The following GLIS3 variants were observed in gnomAD, a reference collection of about 807,000 sequenced individuals.
The protein encoded by GLIS3 is zinc finger protein GLIS3.
Under a neutral mutation model 78.6 loss-of-function variants are expected in GLIS3, and 53 were observed. That is an observed-to-expected ratio of 0.67 (90% CI 0.54 to 0.85). The LOEUF is 0.85. Ranked by LOEUF, GLIS3 falls within the 40% of genes least tolerant of loss-of-function variation. The pLI, the probability that GLIS3 is intolerant of heterozygous loss-of-function variation, is 0.00. For synonymous variants in GLIS3, 684 were observed against 509.9 expected (o/e 1.34, Z -4.60); for missense variants, 1,703 against 1,231.1 (o/e 1.38, Z -5.74).
At chr9:4,199,622 T>C (rs1035776105) in intron 2 of GLIS3, among the ~76,000 whole-genome samples, 1 of 151,526 alleles carries the variant, frequency 6.6e-6, no homozygotes, top group African/African-American at 2.4e-5. Flanking sequence ...CCTAAATACA[T>C]ATGCACCTAA....
At chr9:4,105,355 T>C (rs2130818024) in intron 4 of GLIS3, among the ~76,000 whole-genome samples, 1 of 152,314 alleles carries the variant, frequency 6.6e-6, no homozygotes, top group Middle Eastern at 3.4e-3. Context: ...CACAGCTGTT[T>C]GACAAGTGCA....
At chr9:4,370,423 G>A in the GLIS3 span, among the ~76,000 whole-genome samples, 2 of 151,856 alleles carry the variant, frequency 1.3e-5, no homozygotes, top group African/African-American at 2.4e-5. Context: ...TTGGGTTCTC[G>A]TTAGATTTTC....
In GLIS3 at chr9:4,118,739, C is replaced by G. The variant is rs1465525575; in HGVS notation, c.739G>C (p.Asp247His). ...LSNHGSQNGLDLGDLLSLPPG... is the reference protein window; with the variant it reads ...LSNHGSQNGLHLGDLLSLPPG... ...GGAAGGCTAAGGAGATCCCCTAGAT[C>G]AAGGCCATTCTGAGAGCCGTGGTTG... The change falls in exon 4 of 11, where the codon GAT becomes CAT. Residue 247 changes from aspartate to histidine, a missense_variant. Physicochemically the swap from Asp to His is moderately conservative, Grantham distance 81 (BLOSUM62 -1). Transcript: ENST00000381971. This position sits in a 1 kb window ranked among gnomAD's most constrained non-coding sequence, Gnocchi z 4.7. 1.9e-6 allele frequency: 3 copies of G among 1,614,002 alleles called. No individual in the cohort carries two copies. The highest frequency in any genetic ancestry group is 8.5e-7 in the Non-Finnish European group (1 of 1,180,022).
chr9:4,074,066 G>A (rs1827847295), intron 4 of GLIS3, among the ~76,000 whole-genome samples: 1 of 152,300 alleles, frequency 6.6e-6, no homozygotes, highest in African/African-American at 2.4e-5. Context: ...CCACTCTCTA[G>A]TATTTCTATT....
the GLIS3 span, among the ~76,000 whole-genome samples, chr9:4,376,365 G>C: frequency 3.7e-4 from 57 of 152,240 alleles, 1 homozygote; most frequent in East Asian, 7.3e-3. Flanking sequence ...TTCCTGGGGA[G>C]AGCCTTTGAA....
At chr9:4,442,601 T>A in the GLIS3 span, among the ~76,000 whole-genome samples, 1 of 152,066 alleles carries the variant, frequency 6.6e-6, no homozygotes, top group East Asian at 1.9e-4. Context: ...TAATTTCTTA[T>A]TTTTCATAAA....
intron 4 of GLIS3, among the ~76,000 whole-genome samples, chr9:3,989,478 C>T (rs1439873965): frequency 6.6e-6 from 1 of 152,170 alleles, no homozygotes; most frequent in East Asian, 1.9e-4. Flanking sequence ...GCTTAAACTA[C>T]AATCAGCCCA....
chr9:3,864,451 T>G (rs1820437354), intron 8 of GLIS3, among the ~76,000 whole-genome samples: 1 of 152,230 alleles, frequency 6.6e-6, no homozygotes, highest in South Asian at 2.1e-4. Flanking sequence ...ATCCTTCTCA[T>G]GGTTTCAAAA....
the GLIS3 span, among the ~76,000 whole-genome samples, chr9:4,437,885 G>C: frequency 6.6e-6 from 1 of 152,028 alleles, no homozygotes; most frequent in Non-Finnish European, 1.5e-5. Context: ...TTACTCTATT[G>C]AAGGATACAG....
In GLIS3 at chr9:4,245,220, T is replaced by C. The variant is rs137941367; in HGVS notation, c.388+40818A>G. ...GTTTAGAGGGATTCTATTGTTTTTGTAGGTATGTGGCCTCAAACCCACAAT... is the reference window on the plus strand; with the variant it reads ...GTTTAGAGGGATTCTATTGTTTTTGCAGGTATGTGGCCTCAAACCCACAAT... On this transcript the variant is annotated intron_variant, in intron 2 of 10. Coordinates refer to ENST00000381971, the MANE Select transcript of GLIS3 (RefSeq NM_001042413.2). Among the ~76,000 whole-genome samples the C allele has an allele frequency of 2.3e-3, 348 of 152,342 alleles. 2 individuals carry two copies. Among genetic ancestry groups the C allele is most frequent in the African/African-American group, 8.1e-3 (337 of 41,580 alleles).
At chr9:4,364,667 A>C in the GLIS3 span, among the ~76,000 whole-genome samples, 3,812 of 148,710 alleles carry the variant, frequency 0.026, 176 homozygotes, top group African/African-American at 0.09. Flanking sequence ...AAGATGAGAT[A>C]ATGCTTATCT....
chr9:4,077,653 T>C (rs1828190311), intron 4 of GLIS3, among the ~76,000 whole-genome samples: 3 of 152,162 alleles, frequency 2.0e-5, no homozygotes, highest in Admixed American at 2.0e-4. Context: ...TATTTCTCCT[T>C]TGCCAGGGTA....
At chr9:4,383,904 T>G in the GLIS3 span, among the ~76,000 whole-genome samples, 1 of 152,180 alleles carries the variant, frequency 6.6e-6, no homozygotes, top group East Asian at 1.9e-4. Flanking sequence ...ATAAAGGCCT[T>G]TGTTAGCTAG....
intron 2 of GLIS3, among the ~76,000 whole-genome samples, chr9:4,212,541 G>A (rs780446613): frequency 1.3e-5 from 2 of 152,210 alleles, no homozygotes; most frequent in Non-Finnish European, 2.9e-5. Context: ...AACAGGGGCA[G>A]GGATGGTGGG....
At chr9:4,255,971 G>C (rs748721969) in intron 2 of GLIS3, among the ~76,000 whole-genome samples, 16 of 152,116 alleles carry the variant, frequency 1.1e-4, no homozygotes, top group Non-Finnish European at 2.1e-4. Flanking sequence ...GGGAGTATAT[G>C]GGAAATCTCT....
the GLIS3 span, among the ~76,000 whole-genome samples, chr9:4,438,239 G>A: frequency 2.6e-5 from 4 of 152,120 alleles, no homozygotes; most frequent in Admixed American, 2.0e-4. Flanking sequence ...AGTAATGAAT[G>A]TTCAGGTACC....
chr9:4,037,541 G>GCACACAA (rs1824424898), intron 4 of GLIS3, among the ~76,000 whole-genome samples: 1 of 109,862 alleles, frequency 9.1e-6, no homozygotes, highest in Non-Finnish European at 1.7e-5. Flanking sequence ...AGATGTGTGT[G>GCACACAA]CACACAACAC....
At position 3,927,527 on chromosome 9, in the gene GLIS3, C is replaced by G. The variant is rs559746827; in HGVS notation, c.1983+4833G>C. ...GGAACGTATTCTAAAGCGCACACCT[C>G]GGGCAACAGCTTTAAGCACGAAATA... On this transcript the variant is annotated intron_variant, in intron 6 of 10. Transcript: ENST00000381971. 2.0e-5 allele frequency among the ~76,000 whole-genome samples: 3 copies of G among 152,276 alleles called. No individual in the cohort carries two copies. The South Asian group carries it at 6.2e-4, about 32-fold the overall frequency.
chr9:4,472,163 T>C, the GLIS3 span, among the ~76,000 whole-genome samples: 6 of 152,232 alleles, frequency 3.9e-5, no homozygotes, highest in African/African-American at 1.2e-4. Context: ...TTGGTGGGAC[T>C]GTAAACTAGT....
Sources: gnomAD v4.1 joint callset for allele counts (sites outside exome capture counted in the v4.1 genomes callset) on GRCh38, gnomAD v4.1.1 for gene constraint, Gnocchi (gnomAD v3.1) non-coding constraint, MANE v1.5 for transcripts, NCBI Gene and HGNC (gene_info 2026-07-23, HGNC 2026-07-21) for gene names.